ADAMTSL1: variants seen among roughly 807,000 people sequenced by gnomAD.
ADAMTSL1 encodes the protein ADAMTS-like protein 1.
ADAMTSL1 carries 126 observed loss-of-function variants against 201.8 expected under a neutral mutation model. The observed-to-expected ratio is 0.62, with a 90% CI of 0.54 to 0.72. The LOEUF is 0.72. Ranked by LOEUF, ADAMTSL1 falls within the 30% of genes least tolerant of loss-of-function variation. ADAMTSL1 has a pLI of 0.00. For missense variants in ADAMTSL1, 2,679 were observed against 2,277.8 expected (o/e 1.18, Z -3.59); for synonymous variants, 1,121 against 903.4 (o/e 1.24, Z -4.32).
At position 18,227,664 on chromosome 9, in the gene ADAMTSL1, T is replaced by C. The variant is rs140096534; in HGVS notation, c.207+63683T>C. Among the ~76,000 whole-genome samples, 85 of 152,286 alleles carry C rather than the reference T, an allele frequency of 5.6e-4. 2 individuals carry two copies. Among genetic ancestry groups the C allele is most frequent in the African/African-American group, 1.9e-3 (81 of 41,564 alleles). ...TTCACAAAGGCTTTTCTGCCTAAAATGCTCATTAGGTCCTTTCTGTCTATT... is the reference window on the plus strand; with the variant it reads ...TTCACAAAGGCTTTTCTGCCTAAAACGCTCATTAGGTCCTTTCTGTCTATT... On this transcript the variant is annotated intron_variant, in intron 2 of 29. Coordinates refer to the ADAMTSL1 transcript ENST00000680146.
rs148199638 is a variant in ADAMTSL1 at position 18,412,907 on chromosome 9, T to G, written c.208-91922T>G. The stretch of plus-strand genomic sequence containing the variant: ...CTGGTTCCTTTAAATAGGTATGATT[T>G]GCTGATATTTCGTATGTGATTTTTG... On this transcript the variant is annotated intron_variant, in intron 2 of 29. Transcript: ENST00000680146. Among the ~76,000 whole-genome samples the G allele has an allele frequency of 8.4e-3, 1,277 of 152,334 alleles. 8 individuals carry two copies. Among genetic ancestry groups the G allele is most frequent in the Non-Finnish European group, 0.014 (946 of 68,018 alleles).
At chr9:18,532,239 C>G (rs1163569350) in intron 2 of ADAMTSL1, among the ~76,000 whole-genome samples, 1 of 152,086 alleles carries the variant, frequency 6.6e-6, no homozygotes, top group Non-Finnish European at 1.5e-5. Flanking sequence ...AATGGAAACT[C>G]TCATGTATTG....
chr9:18,429,435 T>C (rs1281322237), intron 2 of ADAMTSL1, among the ~76,000 whole-genome samples: 1 of 152,164 alleles, frequency 6.6e-6, no homozygotes, highest in Non-Finnish European at 1.5e-5. Context: ...ATATGTCTGA[T>C]GTGTCTGTGT....
intron 2 of ADAMTSL1, among the ~76,000 whole-genome samples, chr9:18,396,936 T>C (rs1200052944): frequency 6.6e-6 from 1 of 152,188 alleles, no homozygotes; most frequent in Non-Finnish European, 1.5e-5. Context: ...AAGAAATGTA[T>C]GCCTTGGTTC....
chr9:18,645,373 G>A lies in ADAMTSL1; in HGVS notation c.834+5962G>A, dbSNP rs577908698. Among the ~76,000 whole-genome samples the A allele has an allele frequency of 2.6e-3, 402 of 152,208 alleles. 1 individual carries two copies. Among genetic ancestry groups the A allele is most frequent in the African/African-American group, 9.3e-3 (386 of 41,550 alleles). On this transcript the variant is annotated intron_variant, in intron 7 of 28. Transcript: ENST00000380548. ...CTCTGATGGTAGTTTCTTTTGCTGT[G>A]CAGAAGCTCTTTAGTTTAATTAGAT...
intron 23 of ADAMTSL1, among the ~76,000 whole-genome samples, chr9:18,843,612 T>A (rs1281887666): frequency 1.3e-5 from 2 of 150,810 alleles, no homozygotes; most frequent in South Asian, 2.1e-4. Context: ...TTCTCCTGGA[T>A]AATATCCTGC....
intron 1 of ADAMTSL1, among the ~76,000 whole-genome samples, chr9:17,986,351 C>A (rs1271674503): frequency 6.6e-6 from 1 of 152,032 alleles, no homozygotes; most frequent in East Asian, 1.9e-4. Context: ...CTGACCCATT[C>A]ATTCAATTCA....
chr9:18,189,675 A>G (rs988957508), intron 2 of ADAMTSL1, among the ~76,000 whole-genome samples: 4 of 152,140 alleles, frequency 2.6e-5, no homozygotes, highest in Non-Finnish European at 4.4e-5. Flanking sequence ...TAAAAGCCTG[A>G]TAGCAACTAA....
At position 18,907,044 on chromosome 9, in the gene ADAMTSL1, G is replaced by T. The variant is rs779376480; in HGVS notation, c.5182+132G>T. 6 of 968,808 alleles carry T rather than the reference G, an allele frequency of 6.2e-6. No homozygotes were observed. In the African/African-American group the frequency reaches 1.6e-4, roughly 26 times the overall value. 60.0% of individuals were successfully genotyped at this position (968,808 alleles called of 1,614,324 possible). A position where few individuals can be genotyped will look rare whatever the true frequency, so the allele number is the denominator to read the frequency against. On this transcript the variant is annotated intron_variant, in intron 28 of 28. Transcript: ENST00000380548. ...CCAGGGATTGTGAGCTGGTGGTGGA[G>T]TTGAGCATTTCAGTGGGGTGCATGG...
At chr9:18,192,771 A>G (rs1237354429) in intron 2 of ADAMTSL1, among the ~76,000 whole-genome samples, 1 of 152,132 alleles carries the variant, frequency 6.6e-6, no homozygotes, top group Non-Finnish European at 1.5e-5. Flanking sequence ...TATACAATGC[A>G]TGGTTTTAGA....
At chr9:18,734,246 T>G (rs1004955179) in intron 15 of ADAMTSL1, among the ~76,000 whole-genome samples, 3 of 152,174 alleles carry the variant, frequency 2.0e-5, no homozygotes, top group Non-Finnish European at 4.4e-5. Flanking sequence ...TTGTAGGGTA[T>G]TTTACGTATC....
chr9:17,991,548 A>G (rs1819151066), intron 1 of ADAMTSL1, among the ~76,000 whole-genome samples: 1 of 152,030 alleles, frequency 6.6e-6, no homozygotes, highest in Non-Finnish European at 1.5e-5. Context: ...TAAGGGGTGA[A>G]TGGTTTTGGT....
At chr9:18,390,000 T>G (rs7390284) in intron 2 of ADAMTSL1, among the ~76,000 whole-genome samples, 89,650 of 151,976 alleles carry the variant, frequency 0.59, 28,835 homozygotes, top group East Asian at 0.9. Flanking sequence ...GAATACAATA[T>G]GTGCAATGAG....
chr9:18,423,260 A>T (rs1164149950), intron 2 of ADAMTSL1, among the ~76,000 whole-genome samples: 3 of 152,210 alleles, frequency 2.0e-5, no homozygotes, highest in African/African-American at 7.2e-5. Flanking sequence ...TTAGATAATA[A>T]TGGAAAAAAA....
At chr9:18,449,446 A>G (rs1297231007) in intron 2 of ADAMTSL1, among the ~76,000 whole-genome samples, 1 of 152,082 alleles carries the variant, frequency 6.6e-6, no homozygotes, top group Non-Finnish European at 1.5e-5. Context: ...ATGACTATTA[A>G]TTATATCTGT....
chr9:18,239,002 A>G (rs1012217009), intron 2 of ADAMTSL1, among the ~76,000 whole-genome samples: 5 of 152,240 alleles, frequency 3.3e-5, no homozygotes, highest in Admixed American at 2.6e-4. Flanking sequence ...TGTTTACACT[A>G]TACTGTAATC....
intron 2 of ADAMTSL1, among the ~76,000 whole-genome samples, chr9:18,214,663 A>G (rs1457250181): frequency 6.6e-6 from 1 of 152,198 alleles, no homozygotes; most frequent in Non-Finnish European, 1.5e-5. Flanking sequence ...TTTAATGTGA[A>G]CTGTTGTTTG....
intron 1 of ADAMTSL1, among the ~76,000 whole-genome samples, chr9:18,050,925 C>T (rs546592556): frequency 5.3e-5 from 8 of 152,268 alleles, no homozygotes; most frequent in African/African-American, 1.9e-4. Context: ...TGTGCTGTGT[C>T]CTGTATACAC....
At chr9:18,322,874 T>C (rs570498038) in intron 2 of ADAMTSL1, among the ~76,000 whole-genome samples, 1 of 152,102 alleles carries the variant, frequency 6.6e-6, no homozygotes, top group Non-Finnish European at 1.5e-5. Flanking sequence ...AAAAAATAAA[T>C]AGAAAATATC....
Sources: gnomAD v4.1 joint callset for allele counts (sites outside exome capture counted in the v4.1 genomes callset) on GRCh38, gnomAD v4.1.1 for gene constraint, MANE v1.5 for transcripts, NCBI Gene and HGNC (gene_info 2026-07-23, HGNC 2026-07-21) for gene names.